FANK1: variants seen among roughly 807,000 people sequenced by gnomAD.
The protein encoded by FANK1 is fibronectin type 3 and ankyrin repeat domains protein 1.
In FANK1, 44 loss-of-function variants were observed where a neutral mutation model predicts 45.3. The observed-to-expected ratio is 0.97, with a 90% confidence interval of 0.76 to 1.25. The LOEUF (loss-of-function observed/expected upper bound fraction) is 1.25, where lower values mean the gene tolerates loss of function less well. FANK1 is among the 50% of genes most tolerant of loss of function. The pLI, the probability that FANK1 is intolerant of heterozygous loss-of-function variation, is 0.00. For synonymous variants in FANK1, 149 were observed against 152.5 expected (o/e 0.98, Z 0.17); for missense variants, 391 against 424.4 (o/e 0.92, Z 0.69).
At chr10:125,965,686 G>A (rs1259170307) in intron 1 of FANK1, among the ~76,000 whole-genome samples, 1 of 152,310 alleles carries the variant, frequency 6.6e-6, no homozygotes, top group African/African-American at 2.4e-5. Context: ...CCCCATCATC[G>A]TGAGGTTGAA....
At chr10:125,971,841 C>G (rs760213759) in intron 1 of FANK1, among the ~76,000 whole-genome samples, 6 of 152,200 alleles carry the variant, frequency 3.9e-5, no homozygotes, top group Middle Eastern at 3.4e-3. Flanking sequence ...CCAGGATGGT[C>G]TCGATCTCGT....
In FANK1 at chr10:126,008,406, G is replaced by A. The variant is rs757994085; in HGVS notation, c.706-1G>A. 1.0e-5 allele frequency: 16 copies of A among 1,595,912 alleles called. No individual in the cohort carries two copies. The South Asian group carries it at 1.6e-4, about 16-fold the overall frequency. ...ACACAGCTGTTTCTCTGGCCCAACA[G>A]GTAGACGTCGTGGACACTGGTTCAG... On this transcript the variant is annotated splice_acceptor_variant, in intron 7 of 10. Transcript: ENST00000368693. LOFTEE classifies it high-confidence loss of function.
At position 125,980,304 on chromosome 10, in the gene FANK1, G is replaced by A. The variant is rs767453413; in HGVS notation, c.157G>A (p.Asp53Asn). 2 of 1,613,106 alleles carry A rather than the reference G, an allele frequency of 1.2e-6. No individual in the cohort carries two copies. Among genetic ancestry groups the A allele is most frequent in the South Asian group, 2.2e-5 (2 of 91,048 alleles). The change falls in exon 2 of 11, where the codon GAC becomes AAC. Residue 53 changes from aspartate to asparagine, a missense_variant. Physicochemically the swap from Asp to Asn is conservative, Grantham distance 23. Coordinates refer to ENST00000368693, the MANE Select transcript of FANK1 (RefSeq NM_145235.5). ...QWFRFSIEEE[D>N]PKMHTYGIIY... ...GTTCAGGTTCTCGATTGAAGAAGAA[G>A]ACCCCAAAATGCACACTTATGGTAT...
chr10:126,008,693 C>A, intron 8 of FANK1, 143 bp downstream of exon 8: 1 of 956,256 alleles, frequency 1.0e-6, no homozygotes, highest in Non-Finnish European at 1.5e-6. Context: ...TCGGCTTGTT[C>A]ATAAGGGCAT....
At chr10:125,929,881 G>A (rs762652700) in intron 1 of FANK1, among the ~76,000 whole-genome samples, 1 of 152,116 alleles carries the variant, frequency 6.6e-6, no homozygotes, top group Non-Finnish European at 1.5e-5. Flanking sequence ...ATGAAGTAAA[G>A]TTACAAGGCA....
At chr10:125,980,112 T>C in intron 1 of FANK1, 49 bp from the exon 2 acceptor site, 1 of 1,580,906 alleles carries the variant, frequency 6.3e-7, no homozygotes, top group Non-Finnish European at 8.6e-7. Context: ...CTGGTCTCTC[T>C]TCCTTATGGA....
In FANK1 at chr10:125,949,964, T is replaced by C. The variant is rs1034648150; in HGVS notation, c.14-30197T>C. On this transcript the variant is annotated intron_variant, in intron 1 of 10. Transcript: ENST00000368693. Reference sequence around the variant, plus strand: ...CAGAGCCCTCAGAAATAACGCCGCATATCTACAACTATCTGATCTTTGACA... The same window carrying C: ...CAGAGCCCTCAGAAATAACGCCGCACATCTACAACTATCTGATCTTTGACA... Among the ~76,000 whole-genome samples, 1,035 of 120,766 alleles carry C rather than the reference T, an allele frequency of 8.6e-3. 21 individuals carry two copies. The highest frequency in any genetic ancestry group is 0.028 in the African/African-American group (978 of 34,668). 79.2% of individuals were successfully genotyped at this position (120,766 alleles called of 152,430 possible).
intron 7 of FANK1, 26 bp from the exon 8 acceptor site, chr10:126,008,381 A>C: frequency 6.4e-7 from 1 of 1,567,820 alleles, no homozygotes; most frequent in Non-Finnish European, 8.6e-7. Context: ...ATTGGGCTCA[A>C]CACAGCTGTT....
At chr10:125,944,350 T>C (rs1170018096) in intron 1 of FANK1, among the ~76,000 whole-genome samples, 1 of 152,268 alleles carries the variant, frequency 6.6e-6, no homozygotes, top group Non-Finnish European at 1.5e-5. Flanking sequence ...CTTTATAGTT[T>C]TCCAGGCACT....
chr10:125,956,385 T>C (rs1949581176), intron 1 of FANK1, among the ~76,000 whole-genome samples: 1 of 152,222 alleles, frequency 6.6e-6, no homozygotes, highest in South Asian at 2.1e-4. Flanking sequence ...GCCTCCAAGC[T>C]CTAATGTTAA....
intron 1 of FANK1, among the ~76,000 whole-genome samples, chr10:125,931,058 A>G (rs1947721099): frequency 6.6e-6 from 1 of 152,188 alleles, no homozygotes; most frequent in Non-Finnish European, 1.5e-5. Flanking sequence ...ACTCCTTTTT[A>G]TGACCGAGTA....
chr10:125,944,856 G>A (rs532530551), intron 1 of FANK1, among the ~76,000 whole-genome samples: 6 of 152,182 alleles, frequency 3.9e-5, no homozygotes, highest in East Asian at 1.9e-4. Flanking sequence ...CAGTAAATAC[G>A]TGGGTAAATC....
intron 1 of FANK1, among the ~76,000 whole-genome samples, chr10:125,908,540 A>C (rs1945726999): frequency 6.6e-6 from 1 of 152,150 alleles, no homozygotes; most frequent in African/African-American, 2.4e-5. Context: ...CATAGGTGGG[A>C]GCAAAGCTAT....
At chr10:125,996,972 G>C (rs549056472) in intron 5 of FANK1, among the ~76,000 whole-genome samples, 2 of 151,736 alleles carry the variant, frequency 1.3e-5, no homozygotes, top group African/African-American at 4.8e-5. Context: ...AGGTTGCTAA[G>C]TTATAATTTT....
intron 3 of FANK1, among the ~76,000 whole-genome samples, chr10:125,990,842 G>T (rs1363369886): frequency 1.3e-5 from 2 of 152,152 alleles, no homozygotes; most frequent in African/African-American, 2.4e-5. Context: ...TCACAACCAT[G>T]GTGGAAGGCA....
rs556448517 is a variant in FANK1, at chr10:125,970,216, C to G, written c.14-9945C>G. 6.0e-3 allele frequency among the ~76,000 whole-genome samples: 907 copies of G among 152,016 alleles called. 6 individuals carry two copies. Among genetic ancestry groups the G allele is most frequent in the Non-Finnish European group, 0.01 (699 of 67,922 alleles). On this transcript the variant is annotated intron_variant, in intron 1 of 10. Coordinates refer to ENST00000368693, the MANE Select transcript of FANK1 (RefSeq NM_145235.5). ...GACGTGGTGGCTGGGCAGAGGGGCC[C>G]CCCACCCCCCAGAGGGGGCGGCCAG...
chr10:125,947,502 CA>C (rs1378636934), intron 1 of FANK1, among the ~76,000 whole-genome samples: 2 of 149,908 alleles, frequency 1.3e-5, no homozygotes, highest in Non-Finnish European at 3.0e-5. Context: ...CAACAAAGAT[CA>C]AAAGAGACAA....
intron 1 of FANK1, among the ~76,000 whole-genome samples, chr10:125,920,184 G>A (rs1946844295): frequency 6.6e-6 from 1 of 152,200 alleles, no homozygotes; most frequent in Non-Finnish European, 1.5e-5. Flanking sequence ...TCAGGCTATA[G>A]TGAAGAAGGA....
At chr10:125,963,222 G>T (rs1347264720) in intron 1 of FANK1, among the ~76,000 whole-genome samples, 4 of 152,198 alleles carry the variant, frequency 2.6e-5, no homozygotes, top group African/African-American at 9.6e-5. Context: ...GACCTCAGGT[G>T]ATCCACCTGC....
Sources: allele counts gnomAD v4.1 joint callset (sites outside exome capture counted in the v4.1 genomes callset), GRCh38; gene constraint gnomAD v4.1.1; transcripts MANE v1.5; gene names NCBI Gene and HGNC (gene_info 2026-07-23, HGNC 2026-07-21).